The following SAFB2 variants were observed in gnomAD, a reference collection of about 807,000 sequenced individuals.
SAFB2 encodes the protein scaffold attachment factor B2.
In SAFB2, 32 loss-of-function variants were observed where a neutral mutation model predicts 100.6. The ratio of observed to expected loss-of-function variants is 0.32; its 90% CI spans 0.24 to 0.43. The LOEUF (loss-of-function observed/expected upper bound fraction) is 0.43, where lower values mean the gene tolerates loss of function less well. SAFB2 is among the 20% of genes least tolerant of loss of function. SAFB2 has a pLI of 1.00. For synonymous variants in SAFB2, 500 were observed against 439.4 expected, an observed-to-expected ratio of 1.14 and a Z score of -1.72; for missense variants, 1,185 against 1,163.4, an observed-to-expected ratio of 1.02 and a Z score of -0.27.
In SAFB2 at chr19:5,616,122, A is replaced by C; in HGVS notation, c.543+10T>G. On this transcript the variant is annotated intron_variant, in intron 4 of 20. Coordinates refer to ENST00000252542, the MANE Select transcript of SAFB2 (RefSeq NM_014649.3). ...ATGGGCACATCCTGCCGTGTCTCCA[A>C]GTTACCTACAGCATGCTCTGGGGGC... 1 of 1,613,606 alleles carries C rather than the reference A, an allele frequency of 6.2e-7. No homozygotes were observed. Among genetic ancestry groups the C allele is most frequent in the South Asian group, 1.1e-5 (1 of 91,066 alleles).
At position 5,616,548 on chromosome 19, in the gene SAFB2, G is replaced by A. The variant is rs566994524; in HGVS notation, c.275-62C>T. ...AAGTTCTACCTCATAATTAGTTTAT[G>A]CAGAATAGATTTCAATCTTAGAACA... On this transcript the variant is annotated intron_variant, in intron 2 of 20. Transcript: ENST00000252542. 49 of 1,373,784 alleles carry A rather than the reference G, an allele frequency of 3.6e-5. No individual in the cohort carries two copies. In the African/African-American group the frequency reaches 6.8e-4, roughly 19 times the overall value. The allele number at this position is 1,373,784 out of a possible 1,614,324, so 85.1% of individuals were successfully genotyped here.
chr19:5,606,102 C>T (rs377603548), intron 9 of SAFB2, among the ~76,000 whole-genome samples: 2 of 152,184 alleles, frequency 1.3e-5, no homozygotes, highest in East Asian at 1.9e-4. Flanking sequence ...GTTTGCTCTT[C>T]CCAATAGCCA....
chr19:5,589,074 G>A (rs1222375097), intron 18 of SAFB2: 1 of 152,266 alleles, frequency 6.6e-6, no homozygotes, highest in Non-Finnish European at 1.5e-5. Context: ...AGGCCCGAGA[G>A]GGGCCACCAG....
At chr19:5,607,437 C>T (rs767156858) in intron 9 of SAFB2, among the ~76,000 whole-genome samples, 2 of 152,116 alleles carry the variant, frequency 1.3e-5, no homozygotes, top group African/African-American at 2.4e-5. Flanking sequence ...TATATTCCCA[C>T]AGAGTTCTTG....
intron 9 of SAFB2, among the ~76,000 whole-genome samples, chr19:5,609,051 C>CAAAAAAAAAAAAAAAAAA (rs60419324): frequency 2.8e-5 from 2 of 72,700 alleles, no homozygotes; most frequent in Non-Finnish European, 5.1e-5. Flanking sequence ...GACGCAGTCT[C>CAAAAAAAAAAAAAAAAAA]AAAAAAAAAA....
At chr19:5,603,676 TGAACTCACAGGGTGCCACCGTGA>T (rs1263272682) in intron 11 of SAFB2, among the ~76,000 whole-genome samples, 8 of 151,868 alleles carry the variant, frequency 5.3e-5, no homozygotes, top group African/African-American at 1.7e-4. Context: ...GGTGCCACCG[TGAACTCACAGGGTGCCACCGTGA>T]GAACTCACAG....
intron 13 of SAFB2, among the ~76,000 whole-genome samples, chr19:5,598,299 G>A (rs1005536667): frequency 6.6e-6 from 1 of 152,136 alleles, no homozygotes; most frequent in African/African-American, 2.4e-5. Context: ...AGTGAAAAAC[G>A]CAAATGAGAC....
At chr19:5,602,019 T>G (rs1416987058) in intron 11 of SAFB2, among the ~76,000 whole-genome samples, 2 of 152,270 alleles carry the variant, frequency 1.3e-5, no homozygotes. Flanking sequence ...TCTTCCCCTC[T>G]TTGGAAAGCT....
chr19:5,613,981 G>A (rs1458802540), intron 4 of SAFB2, among the ~76,000 whole-genome samples: 2 of 152,148 alleles, frequency 1.3e-5, no homozygotes, highest in East Asian at 1.9e-4. Context: ...GAGACGGAGT[G>A]TCACTCCTTT....
intron 6 of SAFB2, chr19:5,612,279 T>C (rs1203858256): frequency 3.8e-6 from 2 of 528,658 alleles, no homozygotes; most frequent in South Asian, 2.5e-5. Context: ...GACGGGGGAA[T>C]TAAATGCCAC....
At chr19:5,595,237 G>T in intron 14 of SAFB2, 124 bp downstream of exon 14, 1 of 1,325,002 alleles carries the variant, frequency 7.5e-7, no homozygotes, top group Non-Finnish European at 1.0e-6. Context: ...GGTTAAGCAC[G>T]ACACCCGCCA....
intron 12 of SAFB2, among the ~76,000 whole-genome samples, 181 bp from the exon 13 acceptor site, chr19:5,599,065 A>G (rs560810798): frequency 6.6e-6 from 1 of 152,318 alleles, no homozygotes. Flanking sequence ...CGGGCACAGC[A>G]TCATGGGGGT....
intron 9 of SAFB2, 150 bp downstream of exon 9, chr19:5,609,845 C>G (rs1215520932): frequency 1.5e-6 from 1 of 668,000 alleles, no homozygotes; most frequent in Non-Finnish European, 2.6e-6. Context: ...GCTATGTTGC[C>G]CAGGCTGGTC....
At position 5,590,428 on chromosome 19, in the gene SAFB2, C is replaced by T. The variant is rs1351417093; in HGVS notation, c.2395-20G>A. The stretch of plus-strand genomic sequence containing the variant: ...ATAGTGCTGGAAGGCAGGAGAGGAA[C>T]AGGGTGACACTGACCATGTCACCCA... On this transcript the variant is annotated intron_variant, in intron 17 of 20. Transcript: ENST00000252542. The T allele has an allele frequency of 6.3e-7, 1 of 1,587,896 alleles. No individual in the cohort carries two copies. Among genetic ancestry groups the T allele is most frequent in the Non-Finnish European group, 8.6e-7 (1 of 1,164,418 alleles).
chr19:5,600,198 T>C lies in SAFB2; in HGVS notation c.1622A>G (p.Lys541Arg). The C allele has an allele frequency of 1.2e-6, 2 of 1,614,140 alleles. No homozygotes were observed. The highest frequency in any genetic ancestry group is 1.7e-6 in the Non-Finnish European group (2 of 1,180,006). Residue 541 changes from lysine to arginine, a missense_variant, in exon 12 of 21, where the codon AAG (lysine) becomes AGG (arginine). Physicochemically the swap from Lys to Arg is conservative, Grantham distance 26. Coordinates refer to ENST00000252542, the MANE Select transcript of SAFB2 (RefSeq NM_014649.3). Reference protein sequence around the residue: ...KKEEKKPEDIKKEEKDQDELK... With the variant: ...KKEEKKPEDIRKEEKDQDELK... ...CTCATCCTGGTCTTTTTCTTCCTTCTTAATGTCTTCAGGCTTTTTTTCCTC... is the reference window on the plus strand; with the variant it reads ...CTCATCCTGGTCTTTTTCTTCCTTCCTAATGTCTTCAGGCTTTTTTTCCTC...
In SAFB2 at chr19:5,604,603, A is replaced by G. The variant is rs2052733416; in HGVS notation, c.1539T>C (p.Ser513=). 2 of 1,613,852 alleles carry G rather than the reference A, an allele frequency of 1.2e-6. No individual in the cohort carries two copies. Among genetic ancestry groups the G allele is most frequent in the Non-Finnish European group, 1.7e-6 (2 of 1,179,838 alleles). The part of the protein sequence containing the change: ...EKLSSVDRHH[S]VEIKIEKTVI... ...TTTACTTTTCAATTTTGATCTCCAC[A>G]GAATGATGTCTGTCGACACTCGATA... The change falls in exon 11 of 21, where the codon TCT becomes TCC. Residue 513 remains serine (S), a synonymous_variant. Coordinates refer to ENST00000252542, the MANE Select transcript of SAFB2 (RefSeq NM_014649.3).
At chr19:5,612,928 A>G (rs1236019930) in intron 5 of SAFB2, among the ~76,000 whole-genome samples, 1 of 152,206 alleles carries the variant, frequency 6.6e-6, no homozygotes, top group African/African-American at 2.4e-5. Flanking sequence ...TACTTCTCCC[A>G]ACATAAACTG....
At chr19:5,595,758 C>A (rs576097495) in intron 13 of SAFB2, among the ~76,000 whole-genome samples, 1 of 152,258 alleles carries the variant, frequency 6.6e-6, no homozygotes, top group Non-Finnish European at 1.5e-5. Flanking sequence ...AGAAAACCTA[C>A]AGGCACAGTT....
intron 13 of SAFB2, among the ~76,000 whole-genome samples, chr19:5,596,178 G>A (rs1173201312): frequency 2.0e-5 from 3 of 152,210 alleles, no homozygotes; most frequent in African/African-American, 7.2e-5. Flanking sequence ...CAGAAGAATC[G>A]CTTGAACCTG....
Sources: allele counts gnomAD v4.1 joint callset (sites outside exome capture counted in the v4.1 genomes callset), GRCh38; gene constraint gnomAD v4.1.1; transcripts MANE v1.5; gene names NCBI Gene and HGNC (gene_info 2026-07-23, HGNC 2026-07-21).